The following PCDHGA2 variants were observed in gnomAD, a reference collection of about 807,000 sequenced individuals.
PCDHGA2 encodes the protein protocadherin gamma subfamily A, 2, also known as protocadherin gamma-A2.
Under a neutral mutation model 59.2 loss-of-function variants are expected in PCDHGA2, and 40 were observed. The ratio of observed to expected loss-of-function variants is 0.68; its 90% CI spans 0.52 to 0.88. The LOEUF (loss-of-function observed/expected upper bound fraction) is 0.88. PCDHGA2 is among the 40% of genes least tolerant of loss of function. The pLI is 0.00. For synonymous variants in PCDHGA2, 560 were observed against 526.0 expected (o/e 1.06, Z -0.89); for missense variants, 1,226 against 1,204.0 (o/e 1.02, Z -0.27).
chr5:141,420,415 T>A, intron 1 of PCDHGA2: 1 of 1,217,296 alleles, frequency 8.2e-7, no homozygotes, highest in Non-Finnish European at 1.1e-6. Context: ...TTATCATTAT[T>A]AAAACAAAAG....
At chr5:141,460,569 T>C (rs1234392082) in intron 1 of PCDHGA2, among the ~76,000 whole-genome samples, 2 of 152,100 alleles carry the variant, frequency 1.3e-5, no homozygotes, top group Admixed American at 1.3e-4. Context: ...GCCATGGACA[T>C]ATGTAGGTGT....
intron 1 of PCDHGA2, chr5:141,351,421 T>C (rs1758716971): frequency 3.1e-6 from 5 of 1,611,696 alleles, no homozygotes; most frequent in Non-Finnish European, 2.5e-6. Flanking sequence ...AAGAAGTTCC[T>C]TTCAAATTAG....
chr5:141,357,639 T>C (rs1416163198), intron 1 of PCDHGA2: 1 of 1,612,114 alleles, frequency 6.2e-7, no homozygotes, highest in Non-Finnish European at 8.5e-7. Flanking sequence ...AATCTTATAA[T>C]AGATCATACC....
chr5:141,379,890 T>A (rs1002813574), intron 1 of PCDHGA2, among the ~76,000 whole-genome samples: 1 of 25,360 alleles, frequency 3.9e-5, no homozygotes, highest in East Asian at 2.2e-3. Context: ...TGAAAGCCTC[T>A]TTTTTTTTTT....
rs146306949 is a variant in PCDHGA2, at chr5:141,340,898, G to T, written c.1927G>T (p.Val643Leu). The part of the protein sequence containing the change: ...LDRDALKQSL[V>L]VAIQDHGQPP... ...CAGAGACGCGCTCAAGCAGAGCCTC[G>T]TGGTGGCCATCCAGGACCACGGCCA... The change falls in exon 1 of 4, where the codon GTG (valine) becomes TTG (leucine). Residue 643 changes from valine (V) to leucine (L), a missense_variant. Coordinates refer to ENST00000394576, the MANE Select transcript of PCDHGA2 (RefSeq NM_018915.4). 571 of 1,613,702 alleles carry T rather than the reference G, an allele frequency of 3.5e-4. 2 individuals carry two copies. Among genetic ancestry groups the T allele is most frequent in the Admixed American group, 6.3e-4 (38 of 60,020 alleles).
chr5:141,338,891 A>T lies in PCDHGA2; in HGVS notation c.-81A>T. The T allele has an allele frequency of 6.8e-7, 1 of 1,473,840 alleles. No homozygotes were observed. Among genetic ancestry groups the T allele is most frequent in the African/African-American group, 1.4e-5 (1 of 70,762 alleles). The allele number at this position is 1,473,840 out of a possible 1,614,324, so 91.3% of individuals were successfully genotyped here. A position where few individuals can be genotyped will look rare whatever the true frequency, so the allele number is the denominator to read the frequency against. On this transcript the variant is annotated 5_prime_UTR_variant, in exon 1 of 4. Transcript: ENST00000394576. ...GACCTGGGTCCCGTGAATGCTGGTT[A>T]TCTCACACCCTGAGGAATAAAGATT... is the stretch of plus-strand genomic sequence containing the variant.
intron 1 of PCDHGA2, among the ~76,000 whole-genome samples, chr5:141,482,356 G>A (rs1330274684): frequency 6.6e-6 from 1 of 152,118 alleles, no homozygotes; most frequent in Non-Finnish European, 1.5e-5. Flanking sequence ...TGTTGTGAGA[G>A]TGAAAAGTAA....
chr5:141,492,043 TC>T (rs1323524482), intron 1 of PCDHGA2: 5 of 518,152 alleles, frequency 9.6e-6, no homozygotes, highest in Non-Finnish European at 1.7e-5. Context: ...CAGTCACAGA[TC>T]CACCCCTGCA....
In PCDHGA2 at chr5:141,432,582, T is replaced by A. The variant is rs1561862595; in HGVS notation, c.2425-62225T>A. 2 of 1,613,236 alleles carry A rather than the reference T, an allele frequency of 1.2e-6. No homozygotes were observed. The highest frequency in any genetic ancestry group is 1.7e-6 in the Non-Finnish European group (2 of 1,179,922). On this transcript the variant is annotated intron_variant, in intron 1 of 3. Transcript: ENST00000394576. This position sits in a 1 kb window ranked among gnomAD's most constrained non-coding sequence, Gnocchi z 6.0. ...CAGAACGCCTGGCTGTCCTACCGTC[T>A]GCTCAAGGCCAGCGAGCCGGGACTC...
At chr5:141,478,719 T>C in intron 1 of PCDHGA2, 1 of 1,543,882 alleles carries the variant, frequency 6.5e-7, no homozygotes, top group South Asian at 1.2e-5. Context: ...GATGGTGGCC[T>C]GCCAGAGTGT....
intron 1 of PCDHGA2, chr5:141,356,899 T>C: frequency 6.2e-7 from 1 of 1,614,188 alleles, no homozygotes; most frequent in African/African-American, 1.3e-5. Context: ...GTACCCCACC[T>C]TCCCTACTGA....
chr5:141,430,707 C>T, intron 1 of PCDHGA2: 2 of 1,478,562 alleles, frequency 1.4e-6, no homozygotes, highest in Non-Finnish European at 9.0e-7. Flanking sequence ...GGAACTGCTC[C>T]TGACTTCAGT....
chr5:141,425,835 T>C (rs536839515), intron 1 of PCDHGA2, among the ~76,000 whole-genome samples: 1 of 152,256 alleles, frequency 6.6e-6, no homozygotes, highest in Admixed American at 6.5e-5. Flanking sequence ...TTTTAAATTC[T>C]CTTTGCTGGG....
At chr5:141,419,359 G>C (rs1257423360) in intron 1 of PCDHGA2, 1 of 1,613,796 alleles carries the variant, frequency 6.2e-7, no homozygotes. Flanking sequence ...AGTCACGAAC[G>C]CTGTCGTCCT....
chr5:141,355,244 A>G lies in PCDHGA2; in HGVS notation c.2424+13849A>G, dbSNP rs200737190. 1.0e-4 allele frequency: 169 copies of G among 1,613,114 alleles called. No homozygotes were observed. The African/African-American group carries it at 2.1e-3, about 20-fold the overall frequency. ...CGCCCAGACCACACCCGGCTGCTCC[A>G]GATCTGCCTTCTCCTGGGGGTTCTG... is the stretch of plus-strand genomic sequence containing the variant. On this transcript the variant is annotated intron_variant, in intron 1 of 3. Coordinates refer to ENST00000394576, the MANE Select transcript of PCDHGA2 (RefSeq NM_018915.4).
intron 3 of PCDHGA2, among the ~76,000 whole-genome samples, chr5:141,507,625 G>C (rs2099862215): frequency 6.6e-6 from 1 of 152,256 alleles, no homozygotes; most frequent in Non-Finnish European, 1.5e-5. Context: ...AGCTGTTGTG[G>C]CCTTGCGCCC....
At chr5:141,380,374 C>CA (rs1392745416) in intron 1 of PCDHGA2, among the ~76,000 whole-genome samples, 1 of 151,910 alleles carries the variant, frequency 6.6e-6, no homozygotes, top group Non-Finnish European at 1.5e-5. Flanking sequence ...AAAAAAGTCC[C>CA]AAAAAAGAAA....
chr5:141,356,344 G>T, intron 1 of PCDHGA2: 1 of 1,555,242 alleles, frequency 6.4e-7, no homozygotes, highest in South Asian at 1.2e-5. Context: ...AAATGGCCTA[G>T]TCACATGTTC....
chr5:141,347,043 C>G (rs1420277817), intron 1 of PCDHGA2, among the ~76,000 whole-genome samples: 18 of 149,954 alleles, frequency 1.2e-4, no homozygotes, highest in Admixed American at 1.1e-3. Flanking sequence ...TCCTTCCTCT[C>G]TCTCTTTCCT....
Sources: allele counts gnomAD v4.1 joint callset (sites outside exome capture counted in the v4.1 genomes callset), GRCh38; gene constraint gnomAD v4.1.1; non-coding constraint Gnocchi (gnomAD v3.1); transcripts MANE v1.5; gene names NCBI Gene and HGNC (gene_info 2026-07-23, HGNC 2026-07-21).